The following MSRA variants were observed in gnomAD, a reference collection of about 807,000 sequenced individuals.
The protein encoded by MSRA is mitochondrial peptide methionine sulfoxide reductase.
Under a neutral mutation model 31.3 loss-of-function variants are expected in MSRA, and 54 were observed. The ratio of observed to expected loss-of-function variants is 1.73; its 90% confidence interval spans 1.39 to 2.17. MSRA has a LOEUF of 2.17. Ranked by LOEUF, MSRA falls within the 30% of genes most tolerant of loss-of-function variation. The pLI is 0.00. For synonymous variants in MSRA, 169 were observed against 116.5 expected (o/e 1.45, Z -2.90); for missense variants, 507 against 300.9 (o/e 1.69, Z -5.07).
At chr8:10,371,115 C>G (rs1350572259) in intron 5 of MSRA, among the ~76,000 whole-genome samples, 1 of 152,148 alleles carries the variant, frequency 6.6e-6, no homozygotes, top group Non-Finnish European at 1.5e-5. Flanking sequence ...GTGCAGAGCT[C>G]TCAGTGTCAT....
At chr8:10,160,192 G>A (rs1012897829) in intron 1 of MSRA, among the ~76,000 whole-genome samples, 18 of 152,144 alleles carry the variant, frequency 1.2e-4, no homozygotes, top group Admixed American at 1.2e-3. Flanking sequence ...GCCCCAACAG[G>A]TGATTAGAAA....
chr8:10,266,019 G>C (rs890485995), intron 3 of MSRA, among the ~76,000 whole-genome samples: 5 of 152,216 alleles, frequency 3.3e-5, no homozygotes, highest in Non-Finnish European at 7.3e-5. Flanking sequence ...GTTGTTTTCA[G>C]TTTGGGGCTG....
chr8:10,327,615 G>T (rs1802435511), intron 5 of MSRA, among the ~76,000 whole-genome samples: 1 of 152,104 alleles, frequency 6.6e-6, no homozygotes, highest in African/African-American at 2.4e-5. Context: ...GGGAGGCGGG[G>T]AGGAAGAAGA....
intron 1 of MSRA, among the ~76,000 whole-genome samples, chr8:10,137,894 G>C (rs79644238): frequency 0.02 from 3,086 of 152,236 alleles, 99 homozygotes; most frequent in African/African-American, 0.071. Flanking sequence ...TGTTTTATTT[G>C]ACCCTGAAGA....
At chr8:10,088,742 A>G (rs558247637) in intron 1 of MSRA, among the ~76,000 whole-genome samples, 6 of 152,318 alleles carry the variant, frequency 3.9e-5, no homozygotes, top group Non-Finnish European at 7.3e-5. Flanking sequence ...TCTCAGAAAA[A>G]AAAAGTCTAT....
At chr8:10,378,992 T>G (rs1328998794) in intron 5 of MSRA, among the ~76,000 whole-genome samples, 3 of 152,224 alleles carry the variant, frequency 2.0e-5, no homozygotes, top group Admixed American at 6.5e-5. Flanking sequence ...CTTGGTCCAT[T>G]TGCCTGCATA....
intron 4 of MSRA, among the ~76,000 whole-genome samples, chr8:10,308,183 C>A (rs1444329695): frequency 6.6e-6 from 1 of 152,172 alleles, no homozygotes; most frequent in Admixed American, 6.6e-5. Flanking sequence ...TTCATTGAAG[C>A]CTTCTTATTC....
chr8:10,423,510 G>A lies in MSRA; in HGVS notation c.544-4638G>A, dbSNP rs561885882. On this transcript the variant is annotated intron_variant, in intron 5 of 5. Transcript: ENST00000317173. ...GGTTGACCAGTGGACTTGGGGTGGG[G>A]CGGGGAGGGGGGGTGGCAGCAGAGG... Among the ~76,000 whole-genome samples the A allele has an allele frequency of 1.6e-3, 237 of 152,138 alleles. 2 individuals carry two copies. Among genetic ancestry groups the A allele is most frequent in the Non-Finnish European group, 2.3e-3 (157 of 67,980 alleles).
At chr8:10,267,834 A>T (rs78506064) in intron 3 of MSRA, among the ~76,000 whole-genome samples, 4,926 of 152,266 alleles carry the variant, frequency 0.032, 275 homozygotes, top group African/African-American at 0.11. Context: ...GCCAAAGGTC[A>T]TGCATTTTTT....
intron 1 of MSRA, among the ~76,000 whole-genome samples, chr8:10,144,956 C>T (rs1585024536): frequency 6.6e-6 from 1 of 151,442 alleles, no homozygotes; most frequent in African/African-American, 2.4e-5. Context: ...CTGCTGGGCT[C>T]GTTTTGGGGG....
intron 5 of MSRA, among the ~76,000 whole-genome samples, chr8:10,349,470 C>T (rs1449938676): frequency 1.3e-5 from 2 of 152,246 alleles, no homozygotes; most frequent in Middle Eastern, 3.4e-3. Context: ...TCTGTGAGGC[C>T]ACCCCACTTC....
intron 3 of MSRA, among the ~76,000 whole-genome samples, chr8:10,283,111 T>C (rs1308329908): frequency 6.9e-6 from 1 of 144,458 alleles, no homozygotes; most frequent in African/African-American, 2.6e-5. Flanking sequence ...AGACACATCA[T>C]ATTGCATATA....
At chr8:10,259,793 G>T (rs765179160) in intron 3 of MSRA, among the ~76,000 whole-genome samples, 1 of 152,170 alleles carries the variant, frequency 6.6e-6, no homozygotes, top group African/African-American at 2.4e-5. Context: ...CCTGCACCTG[G>T]CTTTGCTTTT....
chr8:10,411,910 T>C (rs1808181526), intron 5 of MSRA, among the ~76,000 whole-genome samples: 1 of 152,252 alleles, frequency 6.6e-6, no homozygotes, highest in South Asian at 2.1e-4. Flanking sequence ...AGCCCTGTTC[T>C]GTGGACACCG....
chr8:10,325,782 A>C (rs1802328198), intron 5 of MSRA, among the ~76,000 whole-genome samples: 1 of 152,214 alleles, frequency 6.6e-6, no homozygotes, highest in African/African-American at 2.4e-5. Flanking sequence ...CAACTGCTTT[A>C]TTCACTGAGG....
At chr8:10,424,838 G>T (rs1205288645) in intron 5 of MSRA, among the ~76,000 whole-genome samples, 1 of 152,214 alleles carries the variant, frequency 6.6e-6, no homozygotes, top group Admixed American at 6.5e-5. Context: ...AGCCTGCAGG[G>T]CCCTGGAGGG....
intron 1 of MSRA, among the ~76,000 whole-genome samples, chr8:10,095,046 G>A (rs1799056411): frequency 6.6e-6 from 1 of 152,180 alleles, no homozygotes; most frequent in Non-Finnish European, 1.5e-5. Flanking sequence ...ATTCTCCATA[G>A]GATAAAGCAT....
At chr8:10,065,573 T>C (rs991362638) in intron 1 of MSRA, among the ~76,000 whole-genome samples, 1 of 152,160 alleles carries the variant, frequency 6.6e-6, no homozygotes, top group African/African-American at 2.4e-5. Context: ...GATATGAAGT[T>C]CCAAGTGTAA....
chr8:10,282,916 T>G (rs533530190), intron 3 of MSRA, among the ~76,000 whole-genome samples: 197 of 152,190 alleles, frequency 1.3e-3, no homozygotes, highest in African/African-American at 4.5e-3. Flanking sequence ...ATTAGCCTCC[T>G]TCCACCTCCC....
Sources: gnomAD v4.1 joint callset for allele counts (sites outside exome capture counted in the v4.1 genomes callset) on GRCh38, gnomAD v4.1.1 for gene constraint, MANE v1.5 for transcripts, NCBI Gene and HGNC (gene_info 2026-07-23, HGNC 2026-07-21) for gene names.